The following SGCE variants were observed in gnomAD, a reference collection of about 807,000 sequenced individuals.
SGCE encodes the protein sarcoglycan epsilon.
Under a neutral mutation model 57.8 loss-of-function variants are expected in SGCE, and 26 were observed. The ratio of observed to expected loss-of-function variants is 0.45; its 90% confidence interval spans 0.33 to 0.62. SGCE has a LOEUF of 0.62. Among genes scored for constraint, SGCE ranks in the 20% least tolerant of loss-of-function variants. The pLI, the probability that SGCE is intolerant of heterozygous loss-of-function variation, is 0.02. For synonymous variants in SGCE, 183 were observed against 189.5 expected, an observed-to-expected ratio of 0.97 and a Z score of 0.28; for missense variants, 468 against 548.6, an observed-to-expected ratio of 0.85 and a Z score of 1.47.
At chr7:94,616,200 G>A (rs559675490) in intron 5 of SGCE, among the ~76,000 whole-genome samples, 9 of 152,188 alleles carry the variant, frequency 5.9e-5, no homozygotes, top group Admixed American at 3.9e-4. Flanking sequence ...GCAGTAGAAC[G>A]GTAGTAGATT....
chr7:94,595,110 T>G (rs1222888682), intron 9 of SGCE, among the ~76,000 whole-genome samples: 1 of 152,174 alleles, frequency 6.6e-6, no homozygotes, highest in Non-Finnish European at 1.5e-5. Context: ...TATCAGTGTC[T>G]CAAATTTATC....
At chr7:94,635,182 A>C (rs1037327762) in intron 1 of SGCE, among the ~76,000 whole-genome samples, 1 of 152,184 alleles carries the variant, frequency 6.6e-6, no homozygotes, top group African/African-American at 2.4e-5. Flanking sequence ...GAAGCATCGC[A>C]AAGGTGTTTT....
At chr7:94,642,686 G>A (rs4330611) in intron 1 of SGCE, among the ~76,000 whole-genome samples, 19,452 of 152,024 alleles carry the variant, frequency 0.13, 1,505 homozygotes, top group South Asian at 0.25. Flanking sequence ...TGATTTACAG[G>A]TACAACCAAT....
rs781270494 is a variant in SGCE, at chr7:94,603,452, G to C, written c.663C>G (p.Gly221=). 1 of 1,612,380 alleles carries C rather than the reference G, an allele frequency of 6.2e-7. No individual in the cohort carries two copies. The highest frequency in any genetic ancestry group is 8.5e-7 in the Non-Finnish European group (1 of 1,178,822). Residue 221 remains glycine, a splice_region_variant and synonymous_variant, in exon 6 of 11, where the codon GGC becomes GGG. Coordinates refer to ENST00000648936, the MANE Select transcript of SGCE (RefSeq NM_003919.3). ...CATCTGCACCAACCATGACATAAAC[G>C]CTGTAAAAATGTGAAACTCTCAGGT... The part of the protein sequence containing the change: ...VPLPINDLKE[G]VYVMVGADVP...
At chr7:94,616,383 G>A (rs1801942373) in intron 5 of SGCE, among the ~76,000 whole-genome samples, 2 of 152,122 alleles carry the variant, frequency 1.3e-5, no homozygotes, top group African/African-American at 4.8e-5. Flanking sequence ...CTTATGCTAA[G>A]TATTACACAA....
At chr7:94,597,465 A>G (rs191616769) in intron 9 of SGCE, 12 of 152,308 alleles carry the variant, frequency 7.9e-5, no homozygotes, top group Admixed American at 7.2e-4. Context: ...TAAGCACTCA[A>G]TGGGAAAAAT....
At position 94,623,332 on chromosome 7, in the gene SGCE, A is replaced by G. The variant is rs765566124; in HGVS notation, c.456T>C (p.Ser152=). ...ACATATTTTCATACCTACCTTCTGC[A>G]GACATTATATTAATTATCAAATTAT... ...ARHNLIINIM[S]AEDFPLPYQA... is the part of the protein sequence containing the mutation. The change falls in exon 4 of 11, where the codon TCT becomes TCC. Residue 152 remains serine (S), a synonymous_variant. Coordinates refer to ENST00000648936, the MANE Select transcript of SGCE (RefSeq NM_003919.3). 1.9e-6 allele frequency: 3 copies of G among 1,581,908 alleles called. No individual in the cohort carries two copies. Among genetic ancestry groups the G allele is most frequent in the Admixed American group, 3.4e-5 (2 of 59,542 alleles).
intron 9 of SGCE, chr7:94,597,758 C>T (rs1191499880): frequency 2.0e-5 from 3 of 152,158 alleles, no homozygotes; most frequent in Non-Finnish European, 4.4e-5. Flanking sequence ...CCTGTAATCC[C>T]AGTACTTTGG....
chr7:94,640,847 T>C (rs6971583), intron 1 of SGCE: 149,106 of 152,282 alleles, frequency 0.98, 73,010 homozygotes, highest in East Asian at 1. Flanking sequence ...GGGGTTTCAC[T>C]ATGTTGGGCA....
At position 94,585,216 on chromosome 7, in the gene SGCE, A is replaced by G. The variant is rs546188200; in HGVS notation, c.*283T>C. 2.2e-5 allele frequency: 8 copies of G among 363,850 alleles called. No homozygotes were observed. The East Asian group carries it at 2.6e-4, about 12-fold the overall frequency. The allele number at this position is 363,850 out of a possible 1,614,324, so 22.5% of individuals were successfully genotyped here. On this transcript the variant is annotated 3_prime_UTR_variant, in exon 11 of 11. Coordinates refer to ENST00000648936, the MANE Select transcript of SGCE (RefSeq NM_003919.3). Reference sequence around the variant, plus strand: ...CAAATAGTTTACTGAAGTAAATTTCACCAGTCATTAGGCTTCATTAATAAT... The same window carrying G: ...CAAATAGTTTACTGAAGTAAATTTCGCCAGTCATTAGGCTTCATTAATAAT...
chr7:94,587,333 G>T (rs1234417572), intron 10 of SGCE: 1 of 1,006,384 alleles, frequency 9.9e-7, no homozygotes, highest in African/African-American at 1.7e-5. Context: ...GTAAAATCTG[G>T]ATTTTTAAAT....
At chr7:94,590,572 CT>C (rs1303614133) in intron 9 of SGCE, 1 of 152,148 alleles carries the variant, frequency 6.6e-6, no homozygotes, top group Non-Finnish European at 1.5e-5. Flanking sequence ...ATGGAAGAAA[CT>C]CCAGGAGTCA....
chr7:94,632,308 T>C (rs889704784), intron 1 of SGCE, among the ~76,000 whole-genome samples: 4 of 152,076 alleles, frequency 2.6e-5, no homozygotes, highest in Non-Finnish European at 5.9e-5. Flanking sequence ...CCACTCCATA[T>C]CATCTCACTT....
intron 1 of SGCE, among the ~76,000 whole-genome samples, chr7:94,651,235 A>T (rs1413998012): frequency 6.6e-6 from 1 of 152,240 alleles, no homozygotes; most frequent in East Asian, 1.9e-4. Context: ...CTTTCAGCAC[A>T]GCATTGCAGC....
chr7:94,623,242 T>C (rs1386105897), intron 4 of SGCE, 83 bp downstream of exon 4: 4 of 836,448 alleles, frequency 4.8e-6, no homozygotes, highest in Non-Finnish European at 7.6e-6. Context: ...ATTTTAAAAT[T>C]CTTGACTATA....
At chr7:94,634,554 C>T (rs1444804255) in intron 1 of SGCE, among the ~76,000 whole-genome samples, 1 of 152,172 alleles carries the variant, frequency 6.6e-6, no homozygotes, top group Non-Finnish European at 1.5e-5. Flanking sequence ...CTCTAATTTG[C>T]TGTTATTAAT....
At chr7:94,623,031 C>G (rs1370136898) in intron 4 of SGCE, among the ~76,000 whole-genome samples, 1 of 152,042 alleles carries the variant, frequency 6.6e-6, no homozygotes, top group Non-Finnish European at 1.5e-5. Context: ...AATCCTTACC[C>G]CACACTTATA....
intron 1 of SGCE, among the ~76,000 whole-genome samples, chr7:94,634,925 G>T (rs181656375): frequency 6.6e-6 from 1 of 152,276 alleles, no homozygotes; most frequent in East Asian, 1.9e-4. Flanking sequence ...AAAATGGATT[G>T]AATGCATTGT....
intron 5 of SGCE, among the ~76,000 whole-genome samples, chr7:94,615,385 GATA>G (rs1562835948): frequency 6.8e-6 from 1 of 146,118 alleles, no homozygotes; most frequent in East Asian, 2.0e-4. Flanking sequence ...TAGATAGATA[GATA>G]GATAGATAGA....
Sources: allele counts gnomAD v4.1 joint callset (sites outside exome capture counted in the v4.1 genomes callset), GRCh38; gene constraint gnomAD v4.1.1; transcripts MANE v1.5; gene names NCBI Gene and HGNC (gene_info 2026-07-23, HGNC 2026-07-21).